The following ARMH3 variants were observed in gnomAD, a reference collection of about 807,000 sequenced individuals.
ARMH3 encodes the protein armadillo like helical domain containing 3.
A neutral mutation model predicts 99.1 loss-of-function variants in ARMH3; 60 were observed. The ratio of observed to expected loss-of-function variants is 0.61; its 90% confidence interval spans 0.49 to 0.75. The LOEUF (loss-of-function observed/expected upper bound fraction) is 0.75. ARMH3 is among the 30% of genes least tolerant of loss of function. The probability of loss-of-function intolerance (pLI) is 0.00; values close to 1 mark genes in which losing one functional copy is unlikely to be tolerated. For synonymous variants in ARMH3, 285 were observed against 292.8 expected, an observed-to-expected ratio of 0.97 and a Z score of 0.27; for missense variants, 679 against 843.1, an observed-to-expected ratio of 0.81 and a Z score of 2.41.
In ARMH3 at chr10:101,846,313, G is replaced by GTGGA. The variant is rs1211511156; in HGVS notation, c.*1211_*1214dup. On this transcript the variant is annotated 3_prime_UTR_variant, in exon 26 of 26. Coordinates refer to ENST00000370033, the MANE Select transcript of ARMH3 (RefSeq NM_024541.3). Reference sequence around the variant, plus strand: ...ATGTAAACAACAGCAGGGTAAGGGGGTGGAACACGTGGAGGGGAGCTCAGC... The same window carrying GTGGA: ...ATGTAAACAACAGCAGGGTAAGGGGGTGGATGGAACACGTGGAGGGGAGCTCAGC... 2.0e-5 allele frequency: 3 copies of GTGGA among 152,492 alleles called. No individual in the cohort carries two copies. The highest frequency in any genetic ancestry group is 4.4e-5 in the Non-Finnish European group (3 of 68,082). The allele number at this position is 152,492 out of a possible 1,614,324, so 9.4% of individuals were successfully genotyped here. A position where few individuals can be genotyped will look rare whatever the true frequency, so the allele number is the denominator to read the frequency against.
chr10:101,905,866 T>C (rs1404849873), intron 23 of ARMH3, among the ~76,000 whole-genome samples: 1 of 152,218 alleles, frequency 6.6e-6, no homozygotes, highest in Non-Finnish European at 1.5e-5. Context: ...GTAGAAAGAA[T>C]TATAACTACC....
intron 24 of ARMH3, among the ~76,000 whole-genome samples, chr10:101,882,375 T>A (rs907723298): frequency 6.6e-6 from 1 of 152,204 alleles, no homozygotes; most frequent in African/African-American, 2.4e-5. Context: ...AGAGCAGATA[T>A]AAATCACCAT....
chr10:101,978,280 A>G (rs971615570), intron 19 of ARMH3, among the ~76,000 whole-genome samples: 2 of 150,710 alleles, frequency 1.3e-5, no homozygotes, highest in African/African-American at 2.5e-5. Context: ...CTGTCCCCCA[A>G]AATTCATATG....
intron 12 of ARMH3, 149 bp downstream of exon 12, chr10:102,009,828 A>C: frequency 1.3e-6 from 1 of 780,184 alleles, no homozygotes; most frequent in Non-Finnish European, 2.0e-6. Context: ...AGGGTCCATT[A>C]ATGTTCAAAA....
intron 23 of ARMH3, among the ~76,000 whole-genome samples, chr10:101,938,542 T>C (rs1319973792): frequency 1.3e-5 from 2 of 152,164 alleles, no homozygotes; most frequent in Non-Finnish European, 2.9e-5. Context: ...CCTACATAAA[T>C]ACATGAATGA....
In ARMH3 at chr10:102,040,144, A is replaced by T; in HGVS notation, c.-11-19T>A. 6.3e-7 allele frequency: 1 copy of T among 1,579,210 alleles called. No homozygotes were observed. ...AGAGAATCTGTGAACAGAAAGTCAC[A>T]TTTTAGAATAGTGAAAATACTCAGT... On this transcript the variant is annotated intron_variant, in intron 1 of 25. Coordinates refer to ENST00000370033, the MANE Select transcript of ARMH3 (RefSeq NM_024541.3).
At chr10:101,889,520 G>A in intron 23 of ARMH3, 30 bp from the exon 24 acceptor site, 1 of 1,567,066 alleles carries the variant, frequency 6.4e-7, no homozygotes, top group Non-Finnish European at 8.8e-7. Context: ...TTAATATGGT[G>A]CCAGATAGAA....
At chr10:102,014,878 G>A (rs1268238432) in intron 8 of ARMH3, among the ~76,000 whole-genome samples, 2 of 152,038 alleles carry the variant, frequency 1.3e-5, no homozygotes, top group Admixed American at 6.6e-5. Context: ...TATAAATCAG[G>A]CACCAATTCT....
At chr10:102,042,539 T>C (rs1056241546) in intron 1 of ARMH3, among the ~76,000 whole-genome samples, 6 of 152,234 alleles carry the variant, frequency 3.9e-5, no homozygotes, top group African/African-American at 1.4e-4. Context: ...ACTCCTTCCA[T>C]GTGGAGCAGC....
intron 23 of ARMH3, among the ~76,000 whole-genome samples, chr10:101,911,035 G>A (rs1307588369): frequency 2.6e-5 from 4 of 151,824 alleles, no homozygotes; most frequent in Non-Finnish European, 4.4e-5. Flanking sequence ...AACTATTCGG[G>A]AGACTGATGC....
intron 19 of ARMH3, among the ~76,000 whole-genome samples, chr10:101,985,677 G>C (rs539847376): frequency 1.2e-4 from 18 of 151,954 alleles, no homozygotes; most frequent in Non-Finnish European, 2.2e-4. Context: ...TCGTGCCACT[G>C]CATTACATCC....
At chr10:102,026,948 A>G (rs1040144264) in intron 5 of ARMH3, among the ~76,000 whole-genome samples, 15 of 152,242 alleles carry the variant, frequency 9.9e-5, no homozygotes, top group African/African-American at 3.6e-4. Context: ...TGCCTACCAC[A>G]GTACCTGGCA....
At chr10:101,910,201 T>C (rs771349568) in intron 23 of ARMH3, among the ~76,000 whole-genome samples, 7 of 152,148 alleles carry the variant, frequency 4.6e-5, no homozygotes, top group Non-Finnish European at 1.0e-4. Flanking sequence ...CTGCTGACAC[T>C]TGAAGAAAGA....
At chr10:101,980,911 G>A (rs537314073) in intron 19 of ARMH3, among the ~76,000 whole-genome samples, 8 of 152,178 alleles carry the variant, frequency 5.3e-5, no homozygotes, top group African/African-American at 7.2e-5. Context: ...CCTTTGCAGC[G>A]ACATGGATGA....
At chr10:101,899,222 C>T (rs1394520606) in intron 23 of ARMH3, among the ~76,000 whole-genome samples, 1 of 152,196 alleles carries the variant, frequency 6.6e-6, no homozygotes, top group Admixed American at 6.5e-5. Flanking sequence ...CCCAAGGCAG[C>T]TTCCCTTTTC....
chr10:101,996,000 G>C (rs191646582), intron 15 of ARMH3, among the ~76,000 whole-genome samples: 2 of 152,276 alleles, frequency 1.3e-5, no homozygotes, highest in Non-Finnish European at 2.9e-5. Context: ...AACAGACAAA[G>C]GTCCCTGGTC....
At chr10:102,035,683 G>T (rs372988601) in intron 2 of ARMH3, among the ~76,000 whole-genome samples, 2 of 152,388 alleles carry the variant, frequency 1.3e-5, no homozygotes, top group South Asian at 2.1e-4. Context: ...CGGGATTGCA[G>T]ACGGAGTCTC....
intron 16 of ARMH3, 127 bp downstream of exon 16, chr10:101,995,170 G>A: frequency 1.3e-6 from 1 of 779,714 alleles, no homozygotes; most frequent in East Asian, 2.5e-5. Context: ...TAATACAAAG[G>A]GGGAAGATTT....
intron 23 of ARMH3, among the ~76,000 whole-genome samples, chr10:101,938,453 G>A (rs1844089672): frequency 6.6e-6 from 1 of 152,184 alleles, no homozygotes; most frequent in Non-Finnish European, 1.5e-5. Context: ...CCACTGAAAG[G>A]AAAAGCAGAA....
Sources: gnomAD v4.1 joint callset for allele counts (sites outside exome capture counted in the v4.1 genomes callset) on GRCh38, gnomAD v4.1.1 for gene constraint, MANE v1.5 for transcripts, NCBI Gene and HGNC (gene_info 2026-07-23, HGNC 2026-07-21) for gene names.